PTPRN2: variants seen among roughly 807,000 people sequenced by gnomAD.
PTPRN2 encodes the protein protein tyrosine phosphatase receptor type N2, also known as receptor-type tyrosine-protein phosphatase N2.
PTPRN2 carries 74 observed loss-of-function variants against 118.8 expected under a neutral mutation model. That is an observed-to-expected ratio of 0.62 (90% CI 0.52 to 0.76). The LOEUF (loss-of-function observed/expected upper bound fraction) is 0.76, where lower values mean the gene tolerates loss of function less well. Among genes scored for constraint, PTPRN2 ranks in the 30% least tolerant of loss-of-function variants. PTPRN2 has a pLI of 0.00. For missense variants in PTPRN2, 1,481 were observed against 1,394.4 expected (o/e 1.06, Z -0.99); for synonymous variants, 641 against 608.0 (o/e 1.05, Z -0.80).
Position 157,874,813 on chromosome 7 carries a change from TCATGGACACACACAGAGACACAC to T in PTPRN2, c.1788+23837_1788+23859del, listed in dbSNP as rs1795625595. Among the ~76,000 whole-genome samples the T allele has an allele frequency of 1.0e-5, 1 of 98,994 alleles. No homozygotes were observed. The highest frequency in any genetic ancestry group is 2.2e-5 in the Non-Finnish European group (1 of 44,944). 64.9% of individuals were successfully genotyped at this position (98,994 alleles called of 152,430 possible). ...TACACATATACACACAGAGACACAC[TCATGGACACACACAGAGACACAC>T]TCATGCACATATACACACGGAGACA... On this transcript the variant is annotated intron_variant, in intron 12 of 22. Coordinates refer to ENST00000389418, the MANE Select transcript of PTPRN2 (RefSeq NM_002847.5). The surrounding 1 kb of genome is among the most constrained non-coding windows in gnomAD (Gnocchi z 5.8).
chr7:157,646,942 C>CCGGGGTG (rs1805130025), intron 14 of PTPRN2, among the ~76,000 whole-genome samples: 1 of 140,454 alleles, frequency 7.1e-6, no homozygotes, highest in Non-Finnish European at 1.5e-5. Context: ...TCAGACCCAT[C>CCGGGGTG]CAGGGTGCAC....
intron 1 of PTPRN2, among the ~76,000 whole-genome samples, chr7:158,522,097 G>GA (rs1448664525): frequency 1.7e-5 from 1 of 60,574 alleles, no homozygotes; most frequent in Non-Finnish European, 3.1e-5. Flanking sequence ...GCTCAGGAGG[G>GA]AGGTCCACGT....
intron 2 of PTPRN2, among the ~76,000 whole-genome samples, chr7:158,409,285 C>G (rs988921545): frequency 7.9e-5 from 12 of 152,214 alleles, no homozygotes; most frequent in African/African-American, 2.9e-4. Flanking sequence ...TGCCTGTGTT[C>G]AGGGCTGGCC....
rs1294367791 is a variant in PTPRN2 at position 158,510,659 on chromosome 7, T to C, written c.113-20874A>G. ...AATAATTCACAGATATCAGAAATTC[T>C]CCTATTTGATAAAAAATACTGTAAT... On this transcript the variant is annotated intron_variant, in intron 1 of 22. Coordinates refer to ENST00000389418, the MANE Select transcript of PTPRN2 (RefSeq NM_002847.5). Among the ~76,000 whole-genome samples, 7 of 152,228 alleles carry C rather than the reference T, an allele frequency of 4.6e-5. No individual in the cohort carries two copies. The South Asian group carries it at 1.2e-3, about 27-fold the overall frequency.
chr7:157,758,550 A>T (rs922681285), intron 12 of PTPRN2, among the ~76,000 whole-genome samples: 10 of 152,232 alleles, frequency 6.6e-5, no homozygotes, highest in African/African-American at 2.2e-4. Context: ...GAGCCGAGGC[A>T]GGTGGCAGCT....
chr7:157,679,829 C>T (rs1796837652), intron 13 of PTPRN2, among the ~76,000 whole-genome samples: 1 of 152,100 alleles, frequency 6.6e-6, no homozygotes, highest in Non-Finnish European at 1.5e-5. Context: ...CGGGAAGTGC[C>T]TTGCCAGGAC....
At chr7:158,427,991 A>G (rs10949726) in intron 2 of PTPRN2, among the ~76,000 whole-genome samples, 18,992 of 21,032 alleles carry the variant, frequency 0.9, 8,630 homozygotes, top group Non-Finnish European at 0.93. Context: ...TGAGGCCTGC[A>G]CAGCGCCGGG....
chr7:157,981,418 C>T (rs1284292449), intron 11 of PTPRN2, among the ~76,000 whole-genome samples: 1 of 152,118 alleles, frequency 6.6e-6, no homozygotes, highest in East Asian at 1.9e-4. Flanking sequence ...TATTCCAGGA[C>T]AGATGAAACT....
intron 1 of PTPRN2, among the ~76,000 whole-genome samples, chr7:158,536,320 C>T (rs902483579): frequency 1.3e-5 from 2 of 152,156 alleles, no homozygotes; most frequent in African/African-American, 4.8e-5. Flanking sequence ...ATGATGTTTT[C>T]AAGAAAATAA....
intron 2 of PTPRN2, among the ~76,000 whole-genome samples, chr7:158,405,851 T>A: frequency 6.9e-6 from 1 of 144,428 alleles, no homozygotes; most frequent in Non-Finnish European, 1.5e-5. Context: ...CACACTGAGA[T>A]CCCGCAGTGG....
At chr7:158,331,972 A>G (rs1804553933) in intron 2 of PTPRN2, among the ~76,000 whole-genome samples, 1 of 151,302 alleles carries the variant, frequency 6.6e-6, no homozygotes, top group Admixed American at 6.6e-5. Context: ...TGACAACTGA[A>G]GACGTCACTC....
intron 2 of PTPRN2, among the ~76,000 whole-genome samples, chr7:158,352,858 C>T (rs1388814523): frequency 6.6e-6 from 1 of 152,244 alleles, no homozygotes; most frequent in Non-Finnish European, 1.5e-5. Context: ...TTCTGAGCTG[C>T]AGCTGCCTGG....
intron 12 of PTPRN2, among the ~76,000 whole-genome samples, chr7:157,873,931 T>C (rs1333214715): frequency 6.6e-6 from 1 of 152,044 alleles, no homozygotes; most frequent in African/African-American, 2.4e-5. Context: ...CCGGGGAAAG[T>C]TGTTTCCTGT....
At chr7:158,448,314 C>T (rs1586699821) in intron 2 of PTPRN2, among the ~76,000 whole-genome samples, 1 of 152,228 alleles carries the variant, frequency 6.6e-6, no homozygotes, top group South Asian at 2.1e-4. Context: ...CTAAATGTTT[C>T]ATAATAGCCA....
At chr7:157,998,817 CAAAA>C (rs1213090372) in intron 11 of PTPRN2, among the ~76,000 whole-genome samples, 6 of 59,154 alleles carry the variant, frequency 1.0e-4, no homozygotes, top group African/African-American at 2.8e-4. Flanking sequence ...TACTCCATCT[CAAAA>C]AAAAAAAAAA....
At chr7:158,471,352 T>A (rs1221448062) in intron 2 of PTPRN2, among the ~76,000 whole-genome samples, 1 of 151,846 alleles carries the variant, frequency 6.6e-6, no homozygotes, top group African/African-American at 2.4e-5. Flanking sequence ...GCACTGCTGG[T>A]CTCCAGTCTC....
At chr7:157,860,347 A>C (rs1005193903) in intron 12 of PTPRN2, among the ~76,000 whole-genome samples, 5 of 152,022 alleles carry the variant, frequency 3.3e-5, no homozygotes, top group African/African-American at 1.2e-4. Context: ...GAAGCAGCCC[A>C]CCCCACAGTC....
intron 2 of PTPRN2, among the ~76,000 whole-genome samples, chr7:158,441,833 A>G (rs1194812774): frequency 1.7e-5 from 2 of 119,586 alleles, no homozygotes; most frequent in Non-Finnish European, 3.6e-5. Flanking sequence ...AGTGATGGTC[A>G]TGGCAGTGGT....
chr7:158,566,559 C>A (rs1827685482), intron 1 of PTPRN2, among the ~76,000 whole-genome samples: 1 of 152,216 alleles, frequency 6.6e-6, no homozygotes. Flanking sequence ...GACTAGGGAG[C>A]CCTGGACACT....
Sources: allele counts gnomAD v4.1 joint callset (sites outside exome capture counted in the v4.1 genomes callset), GRCh38; gene constraint gnomAD v4.1.1; non-coding constraint Gnocchi (gnomAD v3.1); transcripts MANE v1.5; gene names NCBI Gene and HGNC (gene_info 2026-07-23, HGNC 2026-07-21).